SPATA7: variants seen among roughly 807,000 people sequenced by gnomAD.
SPATA7 encodes the protein spermatogenesis associated 7, also known as spermatogenesis-associated protein 7.
In SPATA7, 43 loss-of-function variants were observed where a neutral mutation model predicts 51.8. The observed-to-expected ratio is 0.83, with a 90% CI of 0.65 to 1.07. SPATA7 has a LOEUF of 1.07. SPATA7 is among the 50% of genes least tolerant of loss of function. The pLI, the probability that SPATA7 is intolerant of heterozygous loss-of-function variation, is 0.00. For synonymous variants in SPATA7, 230 were observed against 252.8 expected, an observed-to-expected ratio of 0.91 and a Z score of 0.86; for missense variants, 683 against 701.3, an observed-to-expected ratio of 0.97 and a Z score of 0.30.
At chr14:88,452,556 T>C (rs1480894728) in intron 3 of SPATA7, among the ~76,000 whole-genome samples, 1 of 152,156 alleles carries the variant, frequency 6.6e-6, no homozygotes, top group Non-Finnish European at 1.5e-5. Context: ...GCAATCCATC[T>C]CCTTCTGTCT....
At chr14:88,470,177 G>A in exon 5 of SPATA7, 7 of 804,804 alleles carry the variant, frequency 8.7e-6, no homozygotes, top group Non-Finnish European at 1.3e-5. Context: ...TAGTAAACTG[G>A]ATTATTCAGC....
Position 88,431,241 on chromosome 14 carries a change from A to G in SPATA7, c.1082+16A>G, listed in dbSNP as rs2076932386. ...TCTACTCTGAGTAAGATCTTTTTTAAGTCTTCGTTTTGCATAGTGGAATCA... is the reference window on the plus strand; with the variant it reads ...TCTACTCTGAGTAAGATCTTTTTTAGGTCTTCGTTTTGCATAGTGGAATCA... On this transcript the variant is annotated intron_variant, in intron 9 of 11. Coordinates refer to ENST00000393545, the MANE Select transcript of SPATA7 (RefSeq NM_018418.5). 1 of 1,610,010 alleles carries G rather than the reference A, an allele frequency of 6.2e-7. No individual in the cohort carries two copies. The highest frequency in any genetic ancestry group is 1.7e-5 in the Admixed American group (1 of 59,980).
downstream of SPATA7, among the ~76,000 whole-genome samples, chr14:88,438,846 G>A (rs1205178973): frequency 6.6e-6 from 1 of 152,174 alleles, no homozygotes; most frequent in East Asian, 1.9e-4. Flanking sequence ...AAGGATATCA[G>A]GAAAACCAGA....
intron 4 of SPATA7, chr14:88,467,038 G>A (rs1487503692): frequency 6.6e-6 from 1 of 152,184 alleles, no homozygotes; most frequent in Non-Finnish European, 1.5e-5. Context: ...TGAATTCCCT[G>A]GGGACAGTGC....
intron 3 of SPATA7, among the ~76,000 whole-genome samples, chr14:88,444,024 G>A (rs1379468109): frequency 2.6e-5 from 4 of 151,752 alleles, no homozygotes; most frequent in African/African-American, 7.3e-5. Flanking sequence ...GGGTCAAATG[G>A]TATTTCTAGT....
At chr14:88,447,813 C>T (rs532898974) in intron 3 of SPATA7, among the ~76,000 whole-genome samples, 137 of 152,212 alleles carry the variant, frequency 9.0e-4, no homozygotes, top group Non-Finnish European at 1.7e-3. Flanking sequence ...AATATTGGCC[C>T]CCACTCTCTT....
intron 4 of SPATA7, 100 bp from the exon 5 acceptor site, chr14:88,416,611 C>T: frequency 1.8e-6 from 2 of 1,134,566 alleles, no homozygotes; most frequent in Non-Finnish European, 2.6e-6. Flanking sequence ...CATATCATAA[C>T]ATTTTAACAA....
At chr14:88,388,789 A>G (rs1469925486) in intron 1 of SPATA7, among the ~76,000 whole-genome samples, 1 of 152,186 alleles carries the variant, frequency 6.6e-6, no homozygotes, top group East Asian at 1.9e-4. Context: ...GGTACCTAGA[A>G]TTACGGGAAA....
intron 5 of SPATA7, among the ~76,000 whole-genome samples, chr14:88,418,946 G>C (rs1399477429): frequency 6.6e-6 from 1 of 152,074 alleles, no homozygotes; most frequent in African/African-American, 2.4e-5. Flanking sequence ...TTGAGCACTT[G>C]TTTTATGTCC....
chr14:88,463,388 T>A lies in SPATA7; in HGVS notation c.255-6459T>A, dbSNP rs369766996. Among the ~76,000 whole-genome samples, 18 of 151,706 alleles carry A rather than the reference T, an allele frequency of 1.2e-4. No homozygotes were observed. In the South Asian group the frequency reaches 3.5e-3, roughly 30 times the overall value. On this transcript the variant is annotated intron_variant, in intron 4 of 4. Transcript: ENST00000556406. ...CTGCAACAAACGCTGGCATACGTTC[T>A]GAAAAGTTTCCCATAAAACAGACAC...
At chr14:88,426,849 C>T in intron 6 of SPATA7, 145 bp downstream of exon 6, 1 of 783,890 alleles carries the variant, frequency 1.3e-6, no homozygotes, top group Non-Finnish European at 2.1e-6. Context: ...TTTTCCTTTT[C>T]CATGTATCAC....
In SPATA7 at chr14:88,452,691, A is replaced by G. The variant is rs575308737; in HGVS notation, c.178-2369A>G. On this transcript the variant is annotated intron_variant, in intron 3 of 3. Transcript: ENST00000554802. ...GAACTGCAAATTAGTCCTGCCTCCT[A>G]TCTACCATCTTCCCTCCAGTATACC... is the stretch of plus-strand genomic sequence containing the variant. 1.4e-4 allele frequency among the ~76,000 whole-genome samples: 21 copies of G among 152,250 alleles called. No homozygotes were observed. In the East Asian group the frequency reaches 2.3e-3, roughly 17 times the overall value.
At chr14:88,429,225 C>T (rs958237109) in intron 7 of SPATA7, 123 bp from the exon 8 acceptor site, 17 of 625,402 alleles carry the variant, frequency 2.7e-5, no homozygotes, top group African/African-American at 9.2e-5. Flanking sequence ...TATTCTTTGT[C>T]GTACTGTATA....
intron 4 of SPATA7, among the ~76,000 whole-genome samples, chr14:88,407,960 G>T (rs2076241900): frequency 6.6e-6 from 1 of 152,016 alleles, no homozygotes; most frequent in South Asian, 2.1e-4. Flanking sequence ...CTATTCCATT[G>T]GTCTATATAT....
At chr14:88,390,288 G>A (rs1280978514) in intron 1 of SPATA7, among the ~76,000 whole-genome samples, 3 of 150,538 alleles carry the variant, frequency 2.0e-5, no homozygotes, top group Non-Finnish European at 2.9e-5. Context: ...GTAAAGAAAC[G>A]TCTAGGGAAG....
intron 3 of SPATA7, among the ~76,000 whole-genome samples, chr14:88,447,934 A>C (rs1368583707): frequency 2.7e-5 from 4 of 150,452 alleles, no homozygotes; most frequent in Admixed American, 6.6e-5. Context: ...CCTTCATTTC[A>C]ACTTTGGTGA....
At chr14:88,416,521 C>A in intron 4 of SPATA7, 190 bp from the exon 5 acceptor site, 5 of 451,496 alleles carry the variant, frequency 1.1e-5, no homozygotes, top group East Asian at 4.0e-5. Context: ...TAGTTAATAT[C>A]TAGAGGCACA....
At chr14:88,413,768 C>A (rs2139950546) in intron 4 of SPATA7, among the ~76,000 whole-genome samples, 1 of 151,062 alleles carries the variant, frequency 6.6e-6, no homozygotes, top group South Asian at 2.1e-4. Context: ...TGAAGGATTG[C>A]TAGATTTTAT....
At chr14:88,411,335 C>T (rs1470875817) in intron 4 of SPATA7, among the ~76,000 whole-genome samples, 1 of 152,188 alleles carries the variant, frequency 6.6e-6, no homozygotes, top group Non-Finnish European at 1.5e-5. Flanking sequence ...CTGAGCTAGA[C>T]CATTCGCCTC....
Sources: allele counts gnomAD v4.1 joint callset (sites outside exome capture counted in the v4.1 genomes callset), GRCh38; gene constraint gnomAD v4.1.1; transcripts MANE v1.5; gene names NCBI Gene and HGNC (gene_info 2026-07-23, HGNC 2026-07-21).